Variants in LPAR3 observed in about 807,000 individuals in gnomAD.
LPAR3 encodes the protein LPA receptor 3.
In LPAR3, 7 loss-of-function variants were observed where a neutral mutation model predicts 17.8. The ratio of observed to expected loss-of-function variants is 0.39; its 90% confidence interval spans 0.22 to 0.74. The LOEUF is 0.74. LPAR3 is among the 30% of genes least tolerant of loss of function. LPAR3 has a pLI of 0.40. For missense variants in LPAR3, 391 were observed against 453.4 expected, an observed-to-expected ratio of 0.86 and a Z score of 1.25; for synonymous variants, 179 against 179.9, an observed-to-expected ratio of 0.99 and a Z score of 0.04.
chr1:84,827,319 C>T (rs953812178), intron 2 of LPAR3, among the ~76,000 whole-genome samples: 9 of 152,232 alleles, frequency 5.9e-5, no homozygotes, highest in African/African-American at 9.6e-5. Flanking sequence ...GGCTGGTCCC[C>T]ATTGGAAAAC....
At chr1:84,880,538 G>A (rs192449770) in intron 1 of LPAR3, among the ~76,000 whole-genome samples, 388 of 152,248 alleles carry the variant, frequency 2.5e-3, no homozygotes, top group Non-Finnish European at 4.2e-3. Context: ...TCAGAGTATG[G>A]GTGCATCTTC....
At chr1:84,836,902 G>C (rs1405071233) in intron 2 of LPAR3, among the ~76,000 whole-genome samples, 1 of 151,798 alleles carries the variant, frequency 6.6e-6, no homozygotes, top group Non-Finnish European at 1.5e-5. Flanking sequence ...ATTTACAATT[G>C]GATGTTTTGA....
chr1:84,815,261 T>C lies in LPAR3; in HGVS notation c.737-1090A>G, dbSNP rs113883930. Among the ~76,000 whole-genome samples the C allele has an allele frequency of 5.6e-3, 846 of 152,300 alleles. 5 individuals carry two copies. Among genetic ancestry groups the C allele is most frequent in the African/African-American group, 0.019 (803 of 41,572 alleles). On this transcript the variant is annotated intron_variant, in intron 2 of 2. Coordinates refer to ENST00000370611, the MANE Select transcript of LPAR3 (RefSeq NM_012152.3). ...TGGGCCACTATATGACCCGCCTCTGTAGTATGATGTGGTTGCTTTCGGCGA... is the reference window on the plus strand; with the variant it reads ...TGGGCCACTATATGACCCGCCTCTGCAGTATGATGTGGTTGCTTTCGGCGA...
chr1:84,861,189 T>C (rs1285006552), intron 2 of LPAR3, among the ~76,000 whole-genome samples: 1 of 152,210 alleles, frequency 6.6e-6, no homozygotes, highest in Non-Finnish European at 1.5e-5. Flanking sequence ...GAACCAGTGA[T>C]TAGATGATGG....
In LPAR3 at chr1:84,813,988, ATCT is replaced by A; in HGVS notation, c.917_919del (p.Lys306del). 5 of 1,614,168 alleles carry A rather than the reference ATCT, an allele frequency of 3.1e-6. No homozygotes were observed. Among genetic ancestry groups the A allele is most frequent in the South Asian group, 1.1e-5 (1 of 91,076 alleles). ...GTTCTCCTGAGAGAAGCAGCAGATC[ATCT>A]TCTTCATGGTGCCATACATGTCCTC... is the stretch of plus-strand genomic sequence containing the variant. On this transcript the variant is annotated inframe_deletion, in exon 3 of 3. Transcript: ENST00000370611.
At chr1:84,819,172 C>T (rs1326162898) in intron 2 of LPAR3, among the ~76,000 whole-genome samples, 1 of 152,218 alleles carries the variant, frequency 6.6e-6, no homozygotes, top group Non-Finnish European at 1.5e-5. Flanking sequence ...GGACTCTTCA[C>T]ATCAAAGTTG....
intron 2 of LPAR3, among the ~76,000 whole-genome samples, chr1:84,841,682 G>GT (rs1406203920): frequency 1.3e-5 from 2 of 152,176 alleles, no homozygotes; most frequent in African/African-American, 2.4e-5. Context: ...TCAAACTCCC[G>GT]TGTGTGGCTA....
intron 1 of LPAR3, among the ~76,000 whole-genome samples, chr1:84,883,045 T>C (rs1407917633): frequency 6.6e-6 from 1 of 152,228 alleles, no homozygotes; most frequent in African/African-American, 2.4e-5. Context: ...TCTAATTTAA[T>C]TATTGTTATT....
intron 2 of LPAR3, among the ~76,000 whole-genome samples, chr1:84,826,721 A>G (rs1409681527): frequency 2.0e-5 from 3 of 152,212 alleles, no homozygotes; most frequent in Admixed American, 1.3e-4. Flanking sequence ...GCATCTGTGC[A>G]TATGTGTGCT....
At chr1:84,881,226 GAGGGGAGGGA>G (rs1660359959) in intron 1 of LPAR3, among the ~76,000 whole-genome samples, 1 of 152,044 alleles carries the variant, frequency 6.6e-6, no homozygotes, top group African/African-American at 2.4e-5. Flanking sequence ...GCAGGATGGT[GAGGGGAGGGA>G]AGGGGAGGGG....
At chr1:84,875,718 T>G (rs531345319) in intron 1 of LPAR3, among the ~76,000 whole-genome samples, 2 of 152,358 alleles carry the variant, frequency 1.3e-5, no homozygotes, top group Non-Finnish European at 2.9e-5. Flanking sequence ...AAATTCTATT[T>G]CTTTACATTG....
intron 1 of LPAR3, among the ~76,000 whole-genome samples, chr1:84,879,316 C>CTTTTTTTTTTTTTTTTTTTTTTTTTTTT (rs1187756554): frequency 1.7e-5 from 2 of 120,602 alleles, no homozygotes; most frequent in African/African-American, 3.5e-5. Context: ...TTTCTTTTTT[C>CTTTTTTTTTTTTTTTTTTTTTTTTTTTT]TTTTTTTTTT....
At chr1:84,843,163 A>G (rs893681827) in intron 2 of LPAR3, among the ~76,000 whole-genome samples, 5 of 152,160 alleles carry the variant, frequency 3.3e-5, no homozygotes, top group Non-Finnish European at 7.3e-5. Context: ...CCTGCAGAAA[A>G]TCTAACTCCT....
At chr1:84,836,783 G>C (rs1477447593) in intron 2 of LPAR3, among the ~76,000 whole-genome samples, 1 of 152,110 alleles carries the variant, frequency 6.6e-6, no homozygotes, top group Non-Finnish European at 1.5e-5. Context: ...CTAAGGCTAA[G>C]TAAATATTAG....
At chr1:84,870,385 A>G (rs1418099893) in intron 1 of LPAR3, among the ~76,000 whole-genome samples, 5 of 152,222 alleles carry the variant, frequency 3.3e-5, no homozygotes, top group African/African-American at 7.2e-5. Flanking sequence ...TATTATGCTC[A>G]TATCTACAGG....
At chr1:84,862,418 G>A (rs2102763910) in intron 2 of LPAR3, among the ~76,000 whole-genome samples, 1 of 152,322 alleles carries the variant, frequency 6.6e-6, no homozygotes, top group Admixed American at 6.5e-5. Context: ...GCTGCGCAGT[G>A]AGTCTTGGTT....
At chr1:84,843,798 G>C (rs572934150) in intron 2 of LPAR3, among the ~76,000 whole-genome samples, 3 of 152,314 alleles carry the variant, frequency 2.0e-5, no homozygotes, top group Non-Finnish European at 4.4e-5. Context: ...GCTATTCCTG[G>C]AACCCATCAA....
chr1:84,855,963 T>C (rs2102760957), intron 2 of LPAR3, among the ~76,000 whole-genome samples: 1 of 152,292 alleles, frequency 6.6e-6, no homozygotes, highest in Non-Finnish European at 1.5e-5. Flanking sequence ...TTTTCTTTTT[T>C]AATTTGAAGC....
chr1:84,860,734 ATTTTTTTTT>A lies in LPAR3; in HGVS notation c.736+4642_736+4650del, dbSNP rs35354113. On this transcript the variant is annotated intron_variant, in intron 2 of 2. Transcript: ENST00000370611. ...GGTTCGTAAGAAACTTTAGGATTTA[ATTTTTTTTT>A]TTTTTTTTTTTTTTTGATACGGAGT... Among the ~76,000 whole-genome samples the A allele has an allele frequency of 4.5e-3, 506 of 113,570 alleles. 5 individuals are homozygous for A. Among genetic ancestry groups the A allele is most frequent in the South Asian group, 0.035 (126 of 3,584 alleles). The allele number at this position is 113,570 out of a possible 152,430, so 74.5% of individuals were successfully genotyped here.
Sources: allele counts gnomAD v4.1 joint callset (sites outside exome capture counted in the v4.1 genomes callset), GRCh38; gene constraint gnomAD v4.1.1; transcripts MANE v1.5; gene names NCBI Gene and HGNC (gene_info 2026-07-23, HGNC 2026-07-21).